The following KCNMB4 variants were observed in gnomAD, a reference collection of about 807,000 sequenced individuals.
KCNMB4 encodes calcium-activated potassium channel subunit beta-4.
A neutral mutation model predicts 20.7 loss-of-function variants in KCNMB4; 3 were observed. That is an observed-to-expected ratio of 0.14 (90% confidence interval 0.07 to 0.37). The LOEUF (loss-of-function observed/expected upper bound fraction) is 0.37, where lower values mean the gene tolerates loss of function less well. Among genes scored for constraint, KCNMB4 ranks in the 10% least tolerant of loss-of-function variants. KCNMB4 has a pLI of 1.00. For synonymous variants in KCNMB4, 110 were observed against 113.4 expected, an observed-to-expected ratio of 0.97 and a Z score of 0.19; for missense variants, 168 against 265.9, an observed-to-expected ratio of 0.63 and a Z score of 2.56.
intron 1 of KCNMB4, among the ~76,000 whole-genome samples, chr12:70,373,085 T>C (rs1030106355): frequency 6.6e-6 from 1 of 151,674 alleles, no homozygotes; most frequent in African/African-American, 2.4e-5. Flanking sequence ...GGCTGGAGAG[T>C]AAATTCGAGC....
intron 1 of KCNMB4, among the ~76,000 whole-genome samples, chr12:70,376,272 C>G (rs1158581060): frequency 2.0e-5 from 3 of 151,828 alleles, no homozygotes; most frequent in Non-Finnish European, 4.4e-5. Flanking sequence ...AGCTTTACCC[C>G]TAAGATCAAG....
At chr12:70,400,539 C>T (rs1452304754) in intron 2 of KCNMB4, among the ~76,000 whole-genome samples, 1 of 152,182 alleles carries the variant, frequency 6.6e-6, no homozygotes, top group African/African-American at 2.4e-5. Flanking sequence ...GAATATACTA[C>T]AAAATGATAG....
chr12:70,372,721 T>C (rs754448075), intron 1 of KCNMB4, among the ~76,000 whole-genome samples: 8 of 152,194 alleles, frequency 5.3e-5, no homozygotes, highest in Admixed American at 2.0e-4. Flanking sequence ...CATGAGCCTC[T>C]GTCCTCAAGG....
chr12:70,384,391 G>T (rs561071992), intron 1 of KCNMB4, among the ~76,000 whole-genome samples: 70 of 152,076 alleles, frequency 4.6e-4, no homozygotes, highest in Non-Finnish European at 8.8e-4. Context: ...GGAGAGGATC[G>T]ATGTATTAAG....
chr12:70,374,591 A>C (rs906468581), intron 1 of KCNMB4, among the ~76,000 whole-genome samples: 2 of 152,198 alleles, frequency 1.3e-5, no homozygotes, highest in African/African-American at 4.8e-5. Flanking sequence ...TAATACTTGT[A>C]AATCATTGTG....
intron 2 of KCNMB4, among the ~76,000 whole-genome samples, chr12:70,416,930 C>T (rs562526298): frequency 6.6e-6 from 1 of 152,198 alleles, no homozygotes; most frequent in East Asian, 1.9e-4. Flanking sequence ...AGGCTGTTAA[C>T]AATTGGGAAT....
chr12:70,416,636 A>G (rs1030123482), intron 2 of KCNMB4, among the ~76,000 whole-genome samples: 1 of 152,222 alleles, frequency 6.6e-6, no homozygotes, highest in African/African-American at 2.4e-5. Context: ...AAGAGCCTCA[A>G]AATTAATTTA....
intron 1 of KCNMB4, among the ~76,000 whole-genome samples, chr12:70,381,095 G>GTT (rs1048675798): frequency 6.8e-6 from 1 of 147,200 alleles, no homozygotes. Flanking sequence ...GATGTGAATA[G>GTT]TTTTTTTTTT....
chr12:70,394,010 T>C (rs1264404840), intron 1 of KCNMB4, among the ~76,000 whole-genome samples: 1 of 152,172 alleles, frequency 6.6e-6, no homozygotes, highest in African/African-American at 2.4e-5. Flanking sequence ...TCTTATACTC[T>C]GGAGGCCAAA....
At chr12:70,392,069 T>C (rs1426626775) in intron 1 of KCNMB4, among the ~76,000 whole-genome samples, 1 of 152,194 alleles carries the variant, frequency 6.6e-6, no homozygotes, top group Non-Finnish European at 1.5e-5. Flanking sequence ...GCAGAAATGA[T>C]GGTTGTAATA....
intron 2 of KCNMB4, among the ~76,000 whole-genome samples, chr12:70,407,989 T>G (rs1034656486): frequency 6.6e-6 from 1 of 152,200 alleles, no homozygotes; most frequent in African/African-American, 2.4e-5. Flanking sequence ...TACAAATTTC[T>G]TATTATGTCA....
At chr12:70,427,072 A>T (rs1204421236) in intron 2 of KCNMB4, among the ~76,000 whole-genome samples, 1 of 152,168 alleles carries the variant, frequency 6.6e-6, no homozygotes, top group Non-Finnish European at 1.5e-5. Flanking sequence ...TCCTGGTTTT[A>T]TTATGTCAGC....
intron 1 of KCNMB4, among the ~76,000 whole-genome samples, chr12:70,373,116 G>C (rs547101201): frequency 6.6e-6 from 1 of 152,276 alleles, no homozygotes; most frequent in East Asian, 1.9e-4. Context: ...GAAGACCCAG[G>C]CAGCCAGGAT....
At chr12:70,398,711 C>G (rs1376693374) in intron 1 of KCNMB4, among the ~76,000 whole-genome samples, 1 of 152,172 alleles carries the variant, frequency 6.6e-6, no homozygotes, top group African/African-American at 2.4e-5. Flanking sequence ...TTAACGAATT[C>G]AACCAACATT....
chr12:70,382,211 C>T (rs893928845), intron 1 of KCNMB4, among the ~76,000 whole-genome samples: 2 of 151,250 alleles, frequency 1.3e-5, no homozygotes, highest in Non-Finnish European at 3.0e-5. Context: ...TTTGGGAGGC[C>T]GAGGCGGGCG....
chr12:70,406,655 G>A (rs1868609775), intron 2 of KCNMB4, among the ~76,000 whole-genome samples: 1 of 152,140 alleles, frequency 6.6e-6, no homozygotes, highest in Non-Finnish European at 1.5e-5. Flanking sequence ...TGCAGTTGGA[G>A]GTGAACAAGG....
chr12:70,408,557 G>A (rs370685747), intron 2 of KCNMB4, among the ~76,000 whole-genome samples: 10 of 151,888 alleles, frequency 6.6e-5, no homozygotes, highest in African/African-American at 9.7e-5. Flanking sequence ...AGTCTGCAGC[G>A]GCCGAAGCAG....
chr12:70,429,108 C>G (rs926412747), intron 2 of KCNMB4, among the ~76,000 whole-genome samples: 2 of 152,146 alleles, frequency 1.3e-5, no homozygotes, highest in African/African-American at 4.8e-5. Flanking sequence ...AAGAAATACC[C>G]AACACCCTTT....
intron 2 of KCNMB4, among the ~76,000 whole-genome samples, chr12:70,400,777 G>A (rs1284570376): frequency 6.6e-6 from 1 of 152,044 alleles, no homozygotes; most frequent in Non-Finnish European, 1.5e-5. Flanking sequence ...TGGTTCCTTG[G>A]ACTAGGGCAC....
Sources: gnomAD v4.1 joint callset for allele counts (sites outside exome capture counted in the v4.1 genomes callset) on GRCh38, gnomAD v4.1.1 for gene constraint, MANE v1.5 for transcripts, NCBI Gene and HGNC (gene_info 2026-07-23, HGNC 2026-07-21) for gene names.